ENOX1: variants seen among roughly 807,000 people sequenced by gnomAD.
The protein encoded by ENOX1 is candidate growth-related and time keeping constitutive hydroquinone (NADH) oxidase.
A neutral mutation model predicts 82.5 loss-of-function variants in ENOX1; 42 were observed. The observed-to-expected ratio is 0.51, with a 90% CI of 0.40 to 0.66. The LOEUF (loss-of-function observed/expected upper bound fraction) is 0.66, where lower values mean the gene tolerates loss of function less well. Ranked by LOEUF, ENOX1 falls within the 30% of genes least tolerant of loss-of-function variation. The pLI is 0.00. For missense variants in ENOX1, 608 were observed against 811.6 expected (o/e 0.75, Z 3.05); for synonymous variants, 271 against 282.2 (o/e 0.96, Z 0.40).
intron 12 of ENOX1, among the ~76,000 whole-genome samples, chr13:43,290,604 G>A (rs185919825): frequency 6.6e-6 from 1 of 152,294 alleles, no homozygotes; most frequent in Non-Finnish European, 1.5e-5. Context: ...TGCTATAGGG[G>A]AGAGAGGGAG....
intron 2 of ENOX1, among the ~76,000 whole-genome samples, chr13:43,572,795 T>C (rs1045917755): frequency 1.1e-4 from 16 of 152,362 alleles, no homozygotes; most frequent in African/African-American, 3.6e-4. Context: ...CCACCACAGC[T>C]TTCAGCTGTA....
At chr13:43,396,324 A>T (rs1337815998) in intron 5 of ENOX1, among the ~76,000 whole-genome samples, 3 of 152,148 alleles carry the variant, frequency 2.0e-5, no homozygotes, top group Admixed American at 2.0e-4. Context: ...AGCTCTCTGC[A>T]TCCATTAAAG....
At chr13:43,472,795 G>T (rs369731026) in intron 3 of ENOX1, among the ~76,000 whole-genome samples, 11 of 152,284 alleles carry the variant, frequency 7.2e-5, no homozygotes, top group African/African-American at 2.6e-4. Context: ...TTTGGAAAAT[G>T]AAGCTGGGTA....
intron 9 of ENOX1, among the ~76,000 whole-genome samples, chr13:43,330,602 A>G (rs2048360051): frequency 6.6e-6 from 1 of 152,160 alleles, no homozygotes; most frequent in South Asian, 2.1e-4. Flanking sequence ...GTTTGCCTAA[A>G]TTAGGTTATT....
intron 5 of ENOX1, among the ~76,000 whole-genome samples, chr13:43,369,575 C>T (rs1032801259): frequency 9.2e-5 from 14 of 152,166 alleles, no homozygotes; most frequent in Non-Finnish European, 1.6e-4. Flanking sequence ...AAAACACACA[C>T]GTCTTGTCTG....
intron 8 of ENOX1, among the ~76,000 whole-genome samples, chr13:43,352,346 A>G (rs1297517195): frequency 6.6e-6 from 1 of 152,240 alleles, no homozygotes; most frequent in Non-Finnish European, 1.5e-5. Context: ...CAAAGTACGT[A>G]AAAACTTTTA....
intron 1 of ENOX1, among the ~76,000 whole-genome samples, chr13:43,669,173 A>G (rs1675570668): frequency 2.0e-5 from 3 of 152,222 alleles, no homozygotes; most frequent in African/African-American, 7.2e-5. Flanking sequence ...AACCAGCAAT[A>G]CGGGGACCAT....
intron 3 of ENOX1, among the ~76,000 whole-genome samples, chr13:43,421,496 C>G (rs545220098): frequency 6.6e-6 from 1 of 152,266 alleles, no homozygotes; most frequent in South Asian, 2.1e-4. Flanking sequence ...GTTGAACCAT[C>G]CTAAATCAGG....
intron 2 of ENOX1, among the ~76,000 whole-genome samples, chr13:43,646,344 TA>T (rs1181812186): frequency 6.6e-6 from 1 of 152,214 alleles, no homozygotes; most frequent in Non-Finnish European, 1.5e-5. Context: ...ATTGATTAAA[TA>T]AGTGTTTGCA....
chr13:43,556,128 G>A (rs953066881), intron 2 of ENOX1, among the ~76,000 whole-genome samples: 11 of 152,102 alleles, frequency 7.2e-5, no homozygotes, highest in Non-Finnish European at 1.0e-4. Context: ...AACATGGGAC[G>A]TAAATAATTG....
chr13:43,653,265 C>T (rs955464832), intron 2 of ENOX1, among the ~76,000 whole-genome samples: 4 of 152,224 alleles, frequency 2.6e-5, no homozygotes, highest in African/African-American at 9.6e-5. Context: ...ACATCTGCAA[C>T]ACCTAATTGA....
chr13:43,606,857 A>G (rs1400736273), intron 2 of ENOX1, among the ~76,000 whole-genome samples: 1 of 152,098 alleles, frequency 6.6e-6, no homozygotes. Context: ...TCTACTAAAA[A>G]AAATAGAAAA....
chr13:43,399,308 C>G (rs143375118), intron 5 of ENOX1, among the ~76,000 whole-genome samples: 3 of 152,116 alleles, frequency 2.0e-5, no homozygotes, highest in Admixed American at 2.0e-4. Flanking sequence ...CTAATCCTGG[C>G]TTTGTCCAAG....
chr13:43,482,114 A>G (rs1351599484), intron 3 of ENOX1, among the ~76,000 whole-genome samples: 1 of 152,204 alleles, frequency 6.6e-6, no homozygotes, highest in Non-Finnish European at 1.5e-5. Flanking sequence ...TAGAACTACC[A>G]TATGATCCAG....
intron 5 of ENOX1, among the ~76,000 whole-genome samples, chr13:43,399,100 T>G (rs2053338676): frequency 6.6e-6 from 1 of 152,142 alleles, no homozygotes; most frequent in African/African-American, 2.4e-5. Flanking sequence ...TCCTTATCAT[T>G]TCTTAATAAC....
chr13:43,608,789 C>T (rs576783457), intron 2 of ENOX1, among the ~76,000 whole-genome samples: 7 of 152,224 alleles, frequency 4.6e-5, no homozygotes, highest in South Asian at 2.1e-4. Context: ...AGCACAAAAC[C>T]GCCATTAGCC....
chr13:43,743,595 T>C (rs1041217876), intron 1 of ENOX1, among the ~76,000 whole-genome samples: 4 of 152,198 alleles, frequency 2.6e-5, no homozygotes, highest in Admixed American at 6.5e-5. Flanking sequence ...CCTAAAGCTC[T>C]AGTGTCCTTT....
At chr13:43,490,449 A>G (rs1322793479) in intron 2 of ENOX1, among the ~76,000 whole-genome samples, 1 of 152,146 alleles carries the variant, frequency 6.6e-6, no homozygotes, top group African/African-American at 2.4e-5. Flanking sequence ...TGCATGTGAG[A>G]GGACATAAAT....
intron 12 of ENOX1, among the ~76,000 whole-genome samples, chr13:43,276,663 A>G (rs1200468919): frequency 6.6e-6 from 1 of 152,222 alleles, no homozygotes; most frequent in Non-Finnish European, 1.5e-5. Context: ...CCTGATTGTT[A>G]GAGAAAGTTT....
Sources: allele counts gnomAD v4.1 joint callset (sites outside exome capture counted in the v4.1 genomes callset), GRCh38; gene constraint gnomAD v4.1.1; transcripts MANE v1.5; gene names NCBI Gene and HGNC (gene_info 2026-07-23, HGNC 2026-07-21).